SOX5: variants seen among roughly 807,000 people sequenced by gnomAD.
SOX5 encodes the protein SRY-box transcription factor 5, also known as transcription factor SOX-5.
In SOX5, 9 loss-of-function variants were observed where a neutral mutation model predicts 92.0. The ratio of observed to expected loss-of-function variants is 0.10; its 90% CI spans 0.06 to 0.17. The LOEUF (loss-of-function observed/expected upper bound fraction) is 0.17, where lower values mean the gene tolerates loss of function less well. SOX5 is among the 10% of genes least tolerant of loss of function. The pLI is 1.00. For synonymous variants in SOX5, 344 were observed against 336.3 expected, an observed-to-expected ratio of 1.02 and a Z score of -0.25; for missense variants, 642 against 944.5, an observed-to-expected ratio of 0.68 and a Z score of 4.20.
chr12:23,888,531 G>A (rs1322798560), intron 2 of SOX5, among the ~76,000 whole-genome samples: 1 of 152,040 alleles, frequency 6.6e-6, no homozygotes, highest in Non-Finnish European at 1.5e-5. Flanking sequence ...AGTTTTCTCA[G>A]TTTAACATTT....
chr12:23,572,832 A>T (rs1592185276), intron 10 of SOX5, among the ~76,000 whole-genome samples: 1 of 152,150 alleles, frequency 6.6e-6, no homozygotes, highest in Non-Finnish European at 1.5e-5. Context: ...GAAAAAGCAC[A>T]CATGTGTCTG....
At chr12:24,112,785 C>T (rs1262037389) in intron 4 of SOX5, among the ~76,000 whole-genome samples, 1 of 151,726 alleles carries the variant, frequency 6.6e-6, no homozygotes, top group Non-Finnish European at 1.5e-5. Context: ...ATCTGCCTAC[C>T]CACCTTGGCC....
intron 1 of SOX5, among the ~76,000 whole-genome samples, chr12:24,378,967 G>T (rs1026616950): frequency 1.3e-5 from 2 of 152,094 alleles, no homozygotes; most frequent in Non-Finnish European, 2.9e-5. Flanking sequence ...GTCATGTTCC[G>T]CATCATTCAT....
chr12:24,508,019 C>T (rs572527855), intron 1 of SOX5, among the ~76,000 whole-genome samples: 12 of 152,162 alleles, frequency 7.9e-5, no homozygotes, highest in East Asian at 1.9e-4. Flanking sequence ...ATGATGTCAT[C>T]GGAGTGCAGC....
chr12:23,543,637 T>G (rs1942552183), intron 12 of SOX5, among the ~76,000 whole-genome samples: 1 of 152,206 alleles, frequency 6.6e-6, no homozygotes, highest in Non-Finnish European at 1.5e-5. Context: ...TTTCACCATT[T>G]ACTTTCAACA....
At chr12:24,529,158 T>C (rs139874970) in intron 1 of SOX5, among the ~76,000 whole-genome samples, 5 of 152,300 alleles carry the variant, frequency 3.3e-5, no homozygotes, top group African/African-American at 1.2e-4. Flanking sequence ...AGAATTATAA[T>C]AATCAGCACA....
intron 4 of SOX5, among the ~76,000 whole-genome samples, chr12:24,087,564 T>A (rs1944155786): frequency 6.6e-6 from 1 of 152,096 alleles, no homozygotes. Flanking sequence ...GACAAAATGA[T>A]TAAAATGGCA....
chr12:24,203,654 A>G (rs1957747184), intron 4 of SOX5, among the ~76,000 whole-genome samples: 1 of 152,206 alleles, frequency 6.6e-6, no homozygotes, highest in Admixed American at 6.5e-5. Flanking sequence ...AGACATTTGA[A>G]TCAGTTTTGG....
intron 1 of SOX5, among the ~76,000 whole-genome samples, chr12:24,551,142 A>G (rs1454466321): frequency 6.6e-6 from 1 of 152,198 alleles, no homozygotes; most frequent in African/African-American, 2.4e-5. Flanking sequence ...ATTCTAACTG[A>G]ATGAGGGCAA....
At chr12:23,537,304 C>T (rs1004381478) in intron 13 of SOX5, among the ~76,000 whole-genome samples, 1 of 152,126 alleles carries the variant, frequency 6.6e-6, no homozygotes, top group Admixed American at 6.5e-5. Context: ...TCACCTCAAT[C>T]TTATAAAAGA....
At chr12:24,190,163 T>G (rs1261099443) in intron 4 of SOX5, among the ~76,000 whole-genome samples, 1 of 152,196 alleles carries the variant, frequency 6.6e-6, no homozygotes, top group Non-Finnish European at 1.5e-5. Context: ...AACACAAAGT[T>G]AAGCCTGAGT....
intron 11 of SOX5, among the ~76,000 whole-genome samples, chr12:23,560,042 T>G (rs1811203810): frequency 6.6e-6 from 1 of 152,114 alleles, no homozygotes. Context: ...CCTGAGTAGC[T>G]GGGATTACAG....
At chr12:24,274,798 TA>T (rs995990257) in intron 3 of SOX5, among the ~76,000 whole-genome samples, 1 of 152,134 alleles carries the variant, frequency 6.6e-6, no homozygotes, top group Non-Finnish European at 1.5e-5. Flanking sequence ...ACATAATACT[TA>T]AAAAAAATCT....
At chr12:23,812,242 T>C (rs1304953121) in intron 3 of SOX5, among the ~76,000 whole-genome samples, 1 of 152,050 alleles carries the variant, frequency 6.6e-6, no homozygotes, top group East Asian at 1.9e-4. Flanking sequence ...ACTAATGGTA[T>C]ATATTACTGT....
chr12:23,549,883 C>G (rs1943866961), intron 11 of SOX5, among the ~76,000 whole-genome samples: 1 of 151,958 alleles, frequency 6.6e-6, no homozygotes, highest in South Asian at 2.1e-4. Context: ...TGACTTGAAA[C>G]AAGATCGAAG....
chr12:24,442,026 G>C (rs866275749), intron 1 of SOX5, among the ~76,000 whole-genome samples: 6 of 152,144 alleles, frequency 3.9e-5, no homozygotes. Context: ...TCTAAACAAG[G>C]TGTGAAAAAT....
intron 4 of SOX5, among the ~76,000 whole-genome samples, chr12:23,987,517 G>A (rs750341386): frequency 2.6e-5 from 4 of 152,248 alleles, no homozygotes; most frequent in Non-Finnish European, 5.9e-5. Context: ...GAAGAGCTGG[G>A]TGTGGTGGTT....
chr12:24,050,445 A>G (rs1226891566), intron 4 of SOX5, among the ~76,000 whole-genome samples: 2 of 152,140 alleles, frequency 1.3e-5, no homozygotes, highest in Non-Finnish European at 2.9e-5. Context: ...GTCTGTTTAT[A>G]TTTTACTTTG....
chr12:23,883,346 T>C lies in SOX5; in HGVS notation c.270+12447A>G, dbSNP rs144439034. Among the ~76,000 whole-genome samples the C allele has an allele frequency of 2.6e-5, 4 of 152,036 alleles. No homozygotes were observed. In the East Asian group the frequency reaches 7.7e-4, roughly 29 times the overall value. On this transcript the variant is annotated intron_variant, in intron 2 of 14. Coordinates refer to ENST00000451604, the MANE Select transcript of SOX5 (RefSeq NM_006940.6). ...CTACTGAATCACTTAAAATGGGGAG[T>C]CAGGTGAGTAATATTCATTTAGGTT...
Sources: gnomAD v4.1 joint callset for allele counts (sites outside exome capture counted in the v4.1 genomes callset) on GRCh38, gnomAD v4.1.1 for gene constraint, MANE v1.5 for transcripts, NCBI Gene and HGNC (gene_info 2026-07-23, HGNC 2026-07-21) for gene names.